Variants in GREB1L observed in about 807,000 individuals in gnomAD.
GREB1L encodes the protein GREB1-like protein.
In GREB1L, 17 loss-of-function variants were observed where a neutral mutation model predicts 200.8. The observed-to-expected ratio is 0.08, with a 90% CI of 0.06 to 0.13. The LOEUF is 0.13. GREB1L is among the 10% of genes least tolerant of loss of function. The probability of loss-of-function intolerance (pLI) is 1.00; values close to 1 mark genes in which losing one functional copy is unlikely to be tolerated. For missense variants in GREB1L, 1,657 were observed against 2,367.7 expected, an observed-to-expected ratio of 0.70 and a Z score of 6.23; for synonymous variants, 789 against 893.0, an observed-to-expected ratio of 0.88 and a Z score of 2.08.
chr18:21,426,958 C>CAAAAA (rs568993346), intron 7 of GREB1L, among the ~76,000 whole-genome samples: 13 of 68,420 alleles, frequency 1.9e-4, no homozygotes, highest in African/African-American at 4.2e-4. Flanking sequence ...GACTACGTCT[C>CAAAAA]AAAAAAAAAA....
chr18:21,268,517 A>ATG (rs1278138649), intron 1 of GREB1L, among the ~76,000 whole-genome samples: 27 of 80,246 alleles, frequency 3.4e-4, no homozygotes, highest in African/African-American at 1.8e-3. Flanking sequence ...ATATGTATAT[A>ATG]TATATACACA....
intron 1 of GREB1L, among the ~76,000 whole-genome samples, chr18:21,356,165 T>C (rs1191193919): frequency 6.6e-6 from 1 of 151,088 alleles, no homozygotes; most frequent in Non-Finnish European, 1.5e-5. Flanking sequence ...GTATTTTTAG[T>C]AGAGATGGGG....
At chr18:21,247,251 T>C (rs1307811089) in intron 1 of GREB1L, among the ~76,000 whole-genome samples, 5 of 152,224 alleles carry the variant, frequency 3.3e-5, no homozygotes, top group Non-Finnish European at 5.9e-5. Flanking sequence ...GCAGTTGTTT[T>C]TGACCTGCCT....
At chr18:21,362,068 C>G (rs1286252675) in intron 1 of GREB1L, among the ~76,000 whole-genome samples, 1 of 151,834 alleles carries the variant, frequency 6.6e-6, no homozygotes, top group Non-Finnish European at 1.5e-5. Context: ...ATTATTTAAT[C>G]TTTTTTCTAT....
intron 4 of GREB1L, among the ~76,000 whole-genome samples, chr18:21,394,186 A>G (rs1598749139): frequency 6.6e-6 from 1 of 152,160 alleles, no homozygotes; most frequent in African/African-American, 2.4e-5. Flanking sequence ...TGTTTATGTC[A>G]TATGTCCACC....
chr18:21,508,261 G>C lies in GREB1L; in HGVS notation c.4512G>C (p.Leu1504=), dbSNP rs1598947362. 6.4e-7 allele frequency: 1 copy of C among 1,551,676 alleles called. No homozygotes were observed. The highest frequency in any genetic ancestry group is 1.4e-5 in the African/African-American group (1 of 73,158). Reference sequence around the variant, plus strand: ...GCAAGCACCTGGAGAGCATGCGGCTGCCCCTGGTTTCAGACAAGGTGGGTG... The same window carrying C: ...GCAAGCACCTGGAGAGCATGCGGCTCCCCCTGGTTTCAGACAAGGTGGGTG... ...KQGKHLESMR[L]PLVSDKNLNA... The change falls in exon 26 of 33, where the codon CTG becomes CTC. Residue 1504 remains leucine, a synonymous_variant. Transcript: ENST00000424526.
intron 1 of GREB1L, among the ~76,000 whole-genome samples, chr18:21,308,389 G>T (rs548689719): frequency 3.9e-5 from 6 of 152,180 alleles, no homozygotes; most frequent in African/African-American, 1.4e-4. Context: ...CATTCTAGGT[G>T]TTCAGATAAT....
At chr18:21,495,347 A>C (rs2036504149) in intron 19 of GREB1L, among the ~76,000 whole-genome samples, 1 of 152,214 alleles carries the variant, frequency 6.6e-6, no homozygotes, top group Non-Finnish European at 1.5e-5. Context: ...GGATTCAGGT[A>C]GTTTAGCCAG....
intron 7 of GREB1L, among the ~76,000 whole-genome samples, chr18:21,413,571 C>A (rs1467443522): frequency 6.6e-6 from 1 of 152,154 alleles, no homozygotes; most frequent in Admixed American, 6.5e-5. Context: ...GCGGGGTTTT[C>A]CTTTACACGG....
chr18:21,418,587 A>G (rs1447511564), intron 7 of GREB1L, among the ~76,000 whole-genome samples: 1 of 152,008 alleles, frequency 6.6e-6, no homozygotes, highest in East Asian at 1.9e-4. Flanking sequence ...GCAGTGGTGC[A>G]ATCTCAGCTC....
At chr18:21,440,534 T>G in intron 9 of GREB1L, 146 bp downstream of exon 9, 1 of 777,204 alleles carries the variant, frequency 1.3e-6, no homozygotes, top group Non-Finnish European at 2.0e-6. Context: ...ACATTTGCCT[T>G]CCCTACATGC....
chr18:21,407,346 A>G (rs1427574325), intron 7 of GREB1L, among the ~76,000 whole-genome samples: 1 of 152,252 alleles, frequency 6.6e-6, no homozygotes, highest in Non-Finnish European at 1.5e-5. Flanking sequence ...GATGAAAAAT[A>G]CATTTGTCTA....
rs531735777 is a variant in GREB1L at position 21,452,084 on chromosome 18, C to T, written c.1851C>T (p.Gly617=). 3.9e-6 allele frequency: 6 copies of T among 1,546,292 alleles called. No homozygotes were observed. The highest frequency in any genetic ancestry group is 1.5e-5 in the African/African-American group (1 of 68,798). ...CTTCTTATCTCTATTTTGTAATAGG[C>T]GATGACCTAGACAAGCTGCTGGAAA... ...LASHFKTTSL[G]DDLDKLLEKM... is the part of the protein sequence containing the mutation. The change falls in exon 14 of 33, where the codon GGC becomes GGT. Residue 617 remains glycine (G), a splice_region_variant and synonymous_variant. Coordinates refer to ENST00000424526, the MANE Select transcript of GREB1L (RefSeq NM_001142966.3).
In GREB1L at chr18:21,268,556, CACACATATATATATATATAT is replaced by C. The variant is rs1238033649; in HGVS notation, c.-120+26165_-120+26184del. On this transcript the variant is annotated intron_variant, in intron 1 of 32. Coordinates refer to ENST00000424526, the MANE Select transcript of GREB1L (RefSeq NM_001142966.3). ...ACACACACACACACACACACACACA[CACACATATATATATATATAT>C]ATATATATATATATATACATGTATA... 7.4e-3 allele frequency among the ~76,000 whole-genome samples: 708 copies of C among 95,714 alleles called. 12 individuals are homozygous for C. The highest frequency in any genetic ancestry group is 0.035 in the African/African-American group (666 of 18,900). 62.8% of individuals were successfully genotyped at this position (95,714 alleles called of 152,430 possible). A position where few individuals can be genotyped will look rare whatever the true frequency, so the allele number is the denominator to read the frequency against.
intron 1 of GREB1L, among the ~76,000 whole-genome samples, chr18:21,351,859 T>G (rs1266530225): frequency 1.3e-5 from 2 of 152,082 alleles, no homozygotes; most frequent in African/African-American, 2.4e-5. Context: ...TTTATTTATT[T>G]TTTTCTGAGA....
At position 21,384,192 on chromosome 18, in the gene GREB1L, A is replaced by T; in HGVS notation, c.158-14A>T. On this transcript the variant is annotated splice_polypyrimidine_tract_variant and intron_variant, in intron 3 of 32. Transcript: ENST00000424526. ...CTTTTTATTAAATCTGCTGTGATTT[A>T]TTTGCTTACCCAGATGTCAAACCCA... 2 of 1,505,020 alleles carry T rather than the reference A, an allele frequency of 1.3e-6. No homozygotes were observed. The highest frequency in any genetic ancestry group is 1.8e-6 in the Non-Finnish European group (2 of 1,106,544). 93.2% of individuals were successfully genotyped at this position (1,505,020 alleles called of 1,614,324 possible).
intron 2 of GREB1L, among the ~76,000 whole-genome samples, chr18:21,383,259 T>C (rs1395202400): frequency 6.6e-6 from 1 of 152,172 alleles, no homozygotes; most frequent in Non-Finnish European, 1.5e-5. Flanking sequence ...TAAGCATTTA[T>C]TACTGTTATA....
Position 21,525,203 on chromosome 18 carries a change from T to G in GREB1L, c.*2382T>G, listed in dbSNP as rs1169323982. 1 of 151,946 alleles carries G rather than the reference T, an allele frequency of 6.6e-6. No homozygotes were observed. Among genetic ancestry groups the G allele is most frequent in the Non-Finnish European group, 1.5e-5 (1 of 67,952 alleles). 9.4% of individuals were successfully genotyped at this position (151,946 alleles called of 1,614,324 possible). A position where few individuals can be genotyped will look rare whatever the true frequency, so the allele number is the denominator to read the frequency against. On this transcript the variant is annotated 3_prime_UTR_variant, in exon 33 of 33. Transcript: ENST00000424526. ...AAAACTAGAAGACAATTGTTATAAT[T>G]TTTTTTGGCTGTAATTTATGCAATT...
chr18:21,382,878 C>T (rs2040379942), intron 2 of GREB1L, among the ~76,000 whole-genome samples: 1 of 152,044 alleles, frequency 6.6e-6, no homozygotes, highest in African/African-American at 2.4e-5. Flanking sequence ...AAGTTTTTTG[C>T]CATATACTTA....
Sources: allele counts gnomAD v4.1 joint callset (sites outside exome capture counted in the v4.1 genomes callset), GRCh38; gene constraint gnomAD v4.1.1; transcripts MANE v1.5; gene names NCBI Gene and HGNC (gene_info 2026-07-23, HGNC 2026-07-21).